Variants in USP32 observed in about 807,000 individuals in gnomAD.
USP32 encodes ubiquitin specific peptidase 32.
A neutral mutation model predicts 204.8 loss-of-function variants in USP32; 59 were observed. The ratio of observed to expected loss-of-function variants is 0.29; its 90% CI spans 0.23 to 0.36. The LOEUF is 0.36. Among genes scored for constraint, USP32 ranks in the 10% least tolerant of loss-of-function variants. USP32 has a pLI of 1.00. For synonymous variants in USP32, 517 were observed against 678.4 expected, an observed-to-expected ratio of 0.76 and a Z score of 3.70; for missense variants, 1,160 against 1,946.4, an observed-to-expected ratio of 0.60 and a Z score of 7.60.
chr17:60,201,947 G>A (rs368236407), intron 26 of USP32, among the ~76,000 whole-genome samples: 40 of 152,220 alleles, frequency 2.6e-4, no homozygotes, highest in African/African-American at 3.6e-4. Flanking sequence ...GTGAGCCACC[G>A]CACCCAGCCA....
chr17:60,287,367 A>T (rs1377015629), intron 5 of USP32, among the ~76,000 whole-genome samples: 1 of 152,162 alleles, frequency 6.6e-6, no homozygotes, highest in Non-Finnish European at 1.5e-5. Context: ...AAAACCAATG[A>T]GTATCCTCCA....
chr17:60,283,725 A>G (rs1191634739), intron 5 of USP32, among the ~76,000 whole-genome samples: 1 of 151,840 alleles, frequency 6.6e-6, no homozygotes, highest in African/African-American at 2.4e-5. Context: ...AGATGAATTC[A>G]CTTTAGATAT....
At chr17:60,267,961 C>A (rs187539937) in intron 7 of USP32, among the ~76,000 whole-genome samples, 1 of 152,090 alleles carries the variant, frequency 6.6e-6, no homozygotes, top group Non-Finnish European at 1.5e-5. Context: ...CAGATGCCTG[C>A]CACTGCACCC....
rs993494453 is a variant in USP32 at position 60,240,997 on chromosome 17, CTTGTT to C, written c.1137-4762_1137-4758del. Among the ~76,000 whole-genome samples the C allele has an allele frequency of 3.3e-5, 5 of 152,140 alleles. No homozygotes were observed. The South Asian group carries it at 1.0e-3, about 32-fold the overall frequency. Reference sequence around the variant, plus strand: ...CCCCAGACGGTTTAGACAAACACAACTTGTTTTGTTTTGTTTTTGAGACAGAGTCT... The same window carrying C: ...CCCCAGACGGTTTAGACAAACACAACTTGTTTTGTTTTTGAGACAGAGTCT... On this transcript the variant is annotated intron_variant, in intron 11 of 33. Coordinates refer to ENST00000300896, the MANE Select transcript of USP32 (RefSeq NM_032582.4).
chr17:60,333,196 C>A (rs533788989), intron 2 of USP32, among the ~76,000 whole-genome samples: 1 of 152,300 alleles, frequency 6.6e-6, no homozygotes, highest in East Asian at 1.9e-4. Flanking sequence ...TTACTAATAG[C>A]CTGACAATCA....
chr17:60,245,449 A>T, intron 11 of USP32: 1 of 354,674 alleles, frequency 2.8e-6, no homozygotes, highest in Non-Finnish European at 5.4e-6. Flanking sequence ...GACATTGCGG[A>T]CCAGGAAATT....
At chr17:60,241,460 C>T (rs2085877275) in intron 11 of USP32, among the ~76,000 whole-genome samples, 1 of 152,094 alleles carries the variant, frequency 6.6e-6, no homozygotes. Context: ...TTTAAATCAA[C>T]ATTTGCTTAG....
intron 11 of USP32, among the ~76,000 whole-genome samples, chr17:60,250,922 G>A (rs1221956412): frequency 3.3e-5 from 5 of 151,764 alleles, no homozygotes; most frequent in Middle Eastern, 3.4e-3. Context: ...TGCATATGGA[G>A]TGGCCACCCA....
At chr17:60,402,351 A>C (rs571404809) in intron 1 of USP32, among the ~76,000 whole-genome samples, 118 of 150,856 alleles carry the variant, frequency 7.8e-4, no homozygotes, top group Non-Finnish European at 1.2e-3. Flanking sequence ...CCCAGGCTCA[A>C]GTGATTCTCC....
At chr17:60,288,391 GA>G (rs1352442574) in intron 5 of USP32, 131 bp downstream of exon 5, 1 of 1,093,382 alleles carries the variant, frequency 9.1e-7, no homozygotes, top group Non-Finnish European at 1.3e-6. Flanking sequence ...CGTAAGCCAC[GA>G]TGGTGCCACT....
intron 1 of USP32, among the ~76,000 whole-genome samples, chr17:60,420,708 G>A (rs1276810568): frequency 6.6e-6 from 1 of 152,100 alleles, no homozygotes; most frequent in Non-Finnish European, 1.5e-5. Flanking sequence ...CCTCTTTCCT[G>A]ACTGTAAAAG....
chr17:60,254,553 C>G (rs1407944408), intron 10 of USP32, among the ~76,000 whole-genome samples: 1 of 151,960 alleles, frequency 6.6e-6, no homozygotes, highest in African/African-American at 2.4e-5. Flanking sequence ...TACAAAATTA[C>G]CCAGGCGTGG....
At chr17:60,387,545 G>C (rs2089751802) in intron 1 of USP32, among the ~76,000 whole-genome samples, 1 of 152,118 alleles carries the variant, frequency 6.6e-6, no homozygotes, top group African/African-American at 2.4e-5. Context: ...TAAATGATAT[G>C]CATATATACT....
At chr17:60,279,871 T>C (rs963268478) in intron 5 of USP32, among the ~76,000 whole-genome samples, 1 of 150,308 alleles carries the variant, frequency 6.7e-6, no homozygotes, top group Non-Finnish European at 1.5e-5. Context: ...ATAATAATAA[T>C]AATAAAATGT....
intron 14 of USP32, among the ~76,000 whole-genome samples, chr17:60,222,881 C>T (rs527336355): frequency 8.9e-4 from 135 of 151,878 alleles, no homozygotes; most frequent in African/African-American, 3.1e-3. Context: ...GGGGTTTCAC[C>T]ATGTTGGCCA....
At chr17:60,245,450 C>A in intron 11 of USP32, 1 of 352,834 alleles carries the variant, frequency 2.8e-6, no homozygotes, top group Non-Finnish European at 5.5e-6. Context: ...ACATTGCGGA[C>A]CAGGAAATTC....
chr17:60,338,871 A>G (rs1231736980), intron 2 of USP32, among the ~76,000 whole-genome samples: 1 of 152,224 alleles, frequency 6.6e-6, no homozygotes, highest in Non-Finnish European at 1.5e-5. Context: ...GGTTACGATT[A>G]TAAGCAAGAT....
chr17:60,279,267 T>C (rs2086908553), intron 5 of USP32, among the ~76,000 whole-genome samples: 1 of 151,868 alleles, frequency 6.6e-6, no homozygotes, highest in Non-Finnish European at 1.5e-5. Context: ...TGGGAGTCTG[T>C]GGCAGGGGAG....
In USP32 at chr17:60,263,929, T is replaced by A. The variant is rs142845447; in HGVS notation, c.990+1483A>T. Reference sequence around the variant, plus strand: ...TCTATTTAATAACACCATTGTGGTGTAGATCCTACCAATCTGCGACTTGGT... The same window carrying A: ...TCTATTTAATAACACCATTGTGGTGAAGATCCTACCAATCTGCGACTTGGT... On this transcript the variant is annotated intron_variant, in intron 9 of 33. Coordinates refer to ENST00000300896, the MANE Select transcript of USP32 (RefSeq NM_032582.4). 6.6e-5 allele frequency among the ~76,000 whole-genome samples: 10 copies of A among 152,280 alleles called. No individual in the cohort carries two copies. In the East Asian group the frequency reaches 1.9e-3, roughly 29 times the overall value.
Sources: allele counts gnomAD v4.1 joint callset (sites outside exome capture counted in the v4.1 genomes callset), GRCh38; gene constraint gnomAD v4.1.1; transcripts MANE v1.5; gene names NCBI Gene and HGNC (gene_info 2026-07-23, HGNC 2026-07-21).